MAGI1: variants seen among roughly 807,000 people sequenced by gnomAD.
The protein encoded by MAGI1 is membrane-associated guanylate kinase, WW and PDZ domain-containing protein 1.
A neutral mutation model predicts 139.9 loss-of-function variants in MAGI1; 58 were observed. That is an observed-to-expected ratio of 0.41 (90% CI 0.34 to 0.52). The LOEUF (loss-of-function observed/expected upper bound fraction) is 0.52. MAGI1 is among the 20% of genes least tolerant of loss of function. The pLI is 0.12. For synonymous variants in MAGI1, 812 were observed against 737.9 expected, an observed-to-expected ratio of 1.10 and a Z score of -1.63; for missense variants, 1,874 against 1,901.6, an observed-to-expected ratio of 0.99 and a Z score of 0.27.
intron 1 of MAGI1, among the ~76,000 whole-genome samples, chr3:65,855,031 A>C (rs2059327022): frequency 6.6e-6 from 1 of 152,230 alleles, no homozygotes; most frequent in Non-Finnish European, 1.5e-5. Flanking sequence ...TGCTGGCTGC[A>C]GCTGCAGAGG....
intron 2 of MAGI1, among the ~76,000 whole-genome samples, chr3:65,560,105 T>C (rs1218502472): frequency 6.6e-6 from 1 of 152,206 alleles, no homozygotes; most frequent in East Asian, 1.9e-4. Flanking sequence ...CAAAACTCCA[T>C]ATATATAGGA....
chr3:65,406,805 C>A (rs7630378), intron 12 of MAGI1, among the ~76,000 whole-genome samples: 30,485 of 150,848 alleles, frequency 0.2, 3,080 homozygotes, highest in South Asian at 0.21. Context: ...CTCTCTCTCT[C>A]TATATATATA....
chr3:66,011,821 G>C (rs189525955), intron 1 of MAGI1, among the ~76,000 whole-genome samples: 1 of 138,686 alleles, frequency 7.2e-6, no homozygotes, highest in East Asian at 2.1e-4. Context: ...CAGGAAGCCA[G>C]ACAATATGCT....
At chr3:65,470,519 G>GAT in intron 4 of MAGI1, 35 bp from the exon 5 acceptor site, 1 of 1,307,120 alleles carries the variant, frequency 7.7e-7, no homozygotes, top group Non-Finnish European at 1.0e-6. Flanking sequence ...GAGAGAGAGA[G>GAT]AGAGAAAAAA....
At chr3:65,933,389 G>A (rs540692522) in intron 1 of MAGI1, among the ~76,000 whole-genome samples, 1 of 152,300 alleles carries the variant, frequency 6.6e-6, no homozygotes, top group East Asian at 1.9e-4. Context: ...TAATATGGCT[G>A]CTGATGAGAG....
At chr3:65,819,601 G>A (rs1166888980) in intron 1 of MAGI1, among the ~76,000 whole-genome samples, 1 of 152,084 alleles carries the variant, frequency 6.6e-6, no homozygotes, top group East Asian at 1.9e-4. Flanking sequence ...GGTTGAGGCT[G>A]GGCACAGTTG....
rs141809711 is a variant in MAGI1 at position 66,038,281 on chromosome 3, G to T, written c.28C>A (p.His10Asn). 3.7e-4 allele frequency: 584 copies of T among 1,597,612 alleles called. 8 individuals carry two copies. In the South Asian group the frequency reaches 4.4e-3, roughly 12 times the overall value. ...CATTCGTGAACCCTGCTAGTCCAGT[G>T]GTTCTTCTTCTGGATCACTTTGGAC... The part of the protein sequence containing the change: MSKVIQKKN[H>N]WTSRVHECTV... Residue 10 changes from histidine (H) to asparagine (N), a missense_variant, in exon 1 of 23, where the codon CAC becomes AAC. His to Asn is a moderately conservative substitution (Grantham distance 68, BLOSUM62 1). Around this residue, in one of 5 missense-constraint regions of MAGI1, gnomAD observed 648 missense variants for 598.1 expected, o/e 1.08. Transcript: ENST00000402939.
chr3:65,453,152 A>G (rs1949144217), intron 6 of MAGI1, 106 bp downstream of exon 6: 1 of 946,724 alleles, frequency 1.1e-6, no homozygotes, highest in African/African-American at 1.6e-5. Flanking sequence ...ATTACCTTTT[A>G]AAAACTCAAC....
chr3:65,812,456 T>TCACACACACACA (rs1347889249), intron 1 of MAGI1, among the ~76,000 whole-genome samples: 3 of 106,736 alleles, frequency 2.8e-5, no homozygotes, highest in South Asian at 4.4e-4. Flanking sequence ...TCTCTCTCTC[T>TCACACACACACA]CTCTCTCTCT....
intron 1 of MAGI1, among the ~76,000 whole-genome samples, chr3:65,968,402 T>C (rs1384862977): frequency 1.3e-5 from 2 of 152,126 alleles, no homozygotes; most frequent in African/African-American, 4.8e-5. Flanking sequence ...CTTAATGAAT[T>C]ACATACAGAA....
chr3:65,478,847 G>GTTT (rs11409972), intron 3 of MAGI1, 49 bp from the exon 4 acceptor site: 32 of 1,343,164 alleles, frequency 2.4e-5, no homozygotes, highest in Non-Finnish European at 3.3e-5. Context: ...AATACTTTGT[G>GTTT]TTTTTTTTTA....
At chr3:65,458,604 T>A (rs558721110) in intron 5 of MAGI1, among the ~76,000 whole-genome samples, 2 of 152,068 alleles carry the variant, frequency 1.3e-5, no homozygotes, top group African/African-American at 4.8e-5. Flanking sequence ...CCATCTGGAG[T>A]CTTCTTTTGA....
At chr3:65,480,924 T>A (rs528448187) in intron 3 of MAGI1, among the ~76,000 whole-genome samples, 3 of 152,166 alleles carry the variant, frequency 2.0e-5, no homozygotes, top group Non-Finnish European at 4.4e-5. Context: ...AGTTTTAAAA[T>A]TTTTTAAAAT....
chr3:65,657,962 G>T (rs35930954), intron 1 of MAGI1, among the ~76,000 whole-genome samples: 46,549 of 152,074 alleles, frequency 0.31, 8,607 homozygotes, highest in East Asian at 0.58. Flanking sequence ...GAAATAATGT[G>T]TGTGAAATGG....
chr3:65,408,609 C>T (rs1033514601), intron 12 of MAGI1, among the ~76,000 whole-genome samples: 7 of 152,106 alleles, frequency 4.6e-5, no homozygotes, highest in Non-Finnish European at 8.8e-5. Flanking sequence ...CATCAATGGC[C>T]GGCAACCCTT....
chr3:65,860,160 T>G (rs2059507279), intron 1 of MAGI1, among the ~76,000 whole-genome samples: 1 of 151,794 alleles, frequency 6.6e-6, no homozygotes, highest in Non-Finnish European at 1.5e-5. Flanking sequence ...CCTCCCAAAG[T>G]GTTGGGATTA....
At chr3:65,475,502 C>A (rs1950843780) in intron 4 of MAGI1, among the ~76,000 whole-genome samples, 1 of 152,138 alleles carries the variant, frequency 6.6e-6, no homozygotes, top group Admixed American at 6.5e-5. Context: ...GCATGTAATC[C>A]TTGTTACACA....
At chr3:65,922,530 A>C (rs972270530) in intron 1 of MAGI1, among the ~76,000 whole-genome samples, 3 of 152,200 alleles carry the variant, frequency 2.0e-5, no homozygotes, top group African/African-American at 7.2e-5. Context: ...AAACCACCAG[A>C]AGCTAGAAAG....
At chr3:65,806,482 G>GA (rs1472716708) in intron 1 of MAGI1, among the ~76,000 whole-genome samples, 2 of 151,848 alleles carry the variant, frequency 1.3e-5, no homozygotes, top group East Asian at 3.9e-4. Flanking sequence ...GGCAAACGCC[G>GA]AGCTGTAACC....
Sources: gnomAD v4.1 joint callset for allele counts (sites outside exome capture counted in the v4.1 genomes callset) on GRCh38, gnomAD v4.1.1 for gene constraint, gnomAD v4.1.1 regional missense constraint, MANE v1.5 for transcripts, NCBI Gene and HGNC (gene_info 2026-07-23, HGNC 2026-07-21) for gene names.